GRID2: variants seen among roughly 807,000 people sequenced by gnomAD.
The protein encoded by GRID2 is glutamate ionotropic receptor delta type subunit 2.
In GRID2, 33 loss-of-function variants were observed where a neutral mutation model predicts 114.8. The observed-to-expected ratio is 0.29, with a 90% CI of 0.22 to 0.38. The LOEUF (loss-of-function observed/expected upper bound fraction) is 0.38, where lower values mean the gene tolerates loss of function less well. Ranked by LOEUF, GRID2 falls within the 10% of genes least tolerant of loss-of-function variation. The probability of loss-of-function intolerance (pLI) is 1.00; values close to 1 mark genes in which losing one functional copy is unlikely to be tolerated. For synonymous variants in GRID2, 505 were observed against 449.9 expected (o/e 1.12, Z -1.55); for missense variants, 1,184 against 1,257.7 (o/e 0.94, Z 0.89).
intron 2 of GRID2, among the ~76,000 whole-genome samples, chr4:92,657,509 T>A (rs1011604443): frequency 6.6e-6 from 1 of 151,720 alleles, no homozygotes; most frequent in Admixed American, 6.6e-5. Context: ...TATTTTTGGT[T>A]CACATGGAAC....
intron 8 of GRID2, among the ~76,000 whole-genome samples, chr4:93,333,933 G>A (rs1433695933): frequency 6.6e-6 from 1 of 152,048 alleles, no homozygotes; most frequent in Non-Finnish European, 1.5e-5. Context: ...TTCTTGTGGG[G>A]GAAAATTTAC....
At chr4:92,774,173 A>C (rs1208519759) in intron 2 of GRID2, among the ~76,000 whole-genome samples, 1 of 152,140 alleles carries the variant, frequency 6.6e-6, no homozygotes, top group Non-Finnish European at 1.5e-5. Flanking sequence ...ACCTCACTTT[A>C]AGCTCAGAGT....
intron 4 of GRID2, among the ~76,000 whole-genome samples, chr4:93,165,354 A>G (rs921943876): frequency 2.0e-5 from 3 of 151,930 alleles, no homozygotes; most frequent in Non-Finnish European, 4.4e-5. Flanking sequence ...AATATAGCCA[A>G]AGTCAAGGTT....
intron 8 of GRID2, among the ~76,000 whole-genome samples, chr4:93,262,741 C>T (rs74583718): frequency 0.031 from 4,773 of 151,806 alleles, 113 homozygotes; most frequent in African/African-American, 0.076. Flanking sequence ...ATTTAACTTA[C>T]GCAAATATTC....
chr4:93,033,451 A>G (rs1302272083), intron 2 of GRID2, among the ~76,000 whole-genome samples: 1 of 152,158 alleles, frequency 6.6e-6, no homozygotes, highest in Admixed American at 6.6e-5. Flanking sequence ...TCAGTGTGAG[A>G]CTGTACACAT....
At chr4:93,528,508 A>T (rs945512261) in intron 13 of GRID2, among the ~76,000 whole-genome samples, 1 of 151,882 alleles carries the variant, frequency 6.6e-6, no homozygotes, top group African/African-American at 2.4e-5. Flanking sequence ...ATGTAAATCT[A>T]AATTCTATTT....
intron 1 of GRID2, among the ~76,000 whole-genome samples, chr4:92,342,566 A>G (rs779311178): frequency 2.4e-4 from 37 of 152,358 alleles, no homozygotes; most frequent in Non-Finnish European, 4.6e-4. Context: ...CTCATAACCT[A>G]TACATATCAA....
At chr4:93,230,149 T>TGTGTGTGTGTGTGTGTATGC (rs1745952775) in intron 7 of GRID2, among the ~76,000 whole-genome samples, 2 of 34,324 alleles carry the variant, frequency 5.8e-5, no homozygotes, top group Non-Finnish European at 1.3e-4. Context: ...TGTGTATGCG[T>TGTGTGTGTGTGTGTGTATGC]GTGTGTGTGT....
intron 1 of GRID2, among the ~76,000 whole-genome samples, chr4:92,405,451 G>T (rs1730981628): frequency 1.3e-5 from 2 of 151,934 alleles, no homozygotes; most frequent in Non-Finnish European, 2.9e-5. Flanking sequence ...ACCAATTTTG[G>T]TAAGTACTAC....
At position 93,391,182 on chromosome 4, in the gene GRID2, T is replaced by C. The variant is rs1448135355; in HGVS notation, c.1246-4425T>C. On this transcript the variant is annotated intron_variant, in intron 8 of 15. Transcript: ENST00000282020. ...ACCTATCTTGCAGGTGGAAATACCA[T>C]AAAGAAAATTATCATTGGAGAGATT... is the stretch of plus-strand genomic sequence containing the variant. Among the ~76,000 whole-genome samples, 5 of 152,244 alleles carry C rather than the reference T, an allele frequency of 3.3e-5. No individual in the cohort carries two copies. In the East Asian group the frequency reaches 9.6e-4, roughly 29 times the overall value.
At chr4:93,403,071 G>C (rs1444656145) in intron 9 of GRID2, among the ~76,000 whole-genome samples, 1 of 152,108 alleles carries the variant, frequency 6.6e-6, no homozygotes, top group East Asian at 1.9e-4. Context: ...TCACAGCAAG[G>C]AGTTGGGAAG....
intron 4 of GRID2, among the ~76,000 whole-genome samples, chr4:93,155,988 A>G (rs1446338849): frequency 2.0e-5 from 3 of 151,824 alleles, no homozygotes; most frequent in Non-Finnish European, 4.4e-5. Flanking sequence ...TATTCCTAAC[A>G]CGAAGAAACG....
chr4:92,489,357 A>G lies in GRID2; in HGVS notation c.89-100774A>G, dbSNP rs989043908. Among the ~76,000 whole-genome samples the G allele has an allele frequency of 3.5e-4, 53 of 152,236 alleles. 1 individual carries two copies. Reference sequence around the variant, plus strand: ...ACATCAAAATTATATAATTAGATACATCAAAAGCATATTTAGACACACATC... The same window carrying G: ...ACATCAAAATTATATAATTAGATACGTCAAAAGCATATTTAGACACACATC... On this transcript the variant is annotated intron_variant, in intron 1 of 15. Transcript: ENST00000282020.
chr4:92,334,808 C>T (rs17019318), intron 1 of GRID2, among the ~76,000 whole-genome samples: 15,706 of 152,172 alleles, frequency 0.1, 1,988 homozygotes, highest in African/African-American at 0.3. Flanking sequence ...CTTGCTCTCT[C>T]TATCTTGGCT....
chr4:92,682,177 T>C (rs1733681863), intron 2 of GRID2, among the ~76,000 whole-genome samples: 1 of 152,056 alleles, frequency 6.6e-6, no homozygotes, highest in South Asian at 2.1e-4. Context: ...TCAACATGAA[T>C]CTTGTTAAAA....
intron 1 of GRID2, among the ~76,000 whole-genome samples, chr4:92,440,071 C>T (rs932540977): frequency 6.9e-6 from 1 of 145,660 alleles, no homozygotes; most frequent in African/African-American, 2.4e-5. Flanking sequence ...TGGGCTGTAC[C>T]CTGTAGCATT....
intron 4 of GRID2, among the ~76,000 whole-genome samples, chr4:93,193,454 A>G (rs1741190896): frequency 6.6e-6 from 1 of 152,106 alleles, no homozygotes; most frequent in Admixed American, 6.6e-5. Flanking sequence ...TGATGGTTTT[A>G]TAGGGGCTTT....
chr4:92,929,939 ATATCT>A lies in GRID2; in HGVS notation c.245-155053_245-155049del, dbSNP rs1268347226. ...TTTACTTGGGTTGTACAAAATCATA[ATATCT>A]TAGGTATGTAAAACACTTTTTGAGT... On this transcript the variant is annotated intron_variant, in intron 2 of 15. Coordinates refer to ENST00000282020, the MANE Select transcript of GRID2 (RefSeq NM_001510.4). 2.6e-5 allele frequency among the ~76,000 whole-genome samples: 4 copies of A among 151,372 alleles called. No homozygotes were observed. In the South Asian group the frequency reaches 8.3e-4, roughly 31 times the overall value.
intron 14 of GRID2, among the ~76,000 whole-genome samples, chr4:93,702,378 G>T (rs1019787382): frequency 3.9e-5 from 6 of 151,984 alleles, no homozygotes; most frequent in African/African-American, 1.4e-4. Context: ...TCTAAACATT[G>T]TGTTTTTGAA....
Sources: gnomAD v4.1 joint callset for allele counts (sites outside exome capture counted in the v4.1 genomes callset) on GRCh38, gnomAD v4.1.1 for gene constraint, MANE v1.5 for transcripts, NCBI Gene and HGNC (gene_info 2026-07-23, HGNC 2026-07-21) for gene names.